Variants in CTNND2 observed in about 807,000 individuals in gnomAD.
CTNND2 encodes the protein catenin delta 2, also known as catenin delta-2.
Under a neutral mutation model 144.4 loss-of-function variants are expected in CTNND2, and 22 were observed. The observed-to-expected ratio is 0.15, with a 90% CI of 0.11 to 0.22. The LOEUF is 0.22. Ranked by LOEUF, CTNND2 falls within the 10% of genes least tolerant of loss-of-function variation. The probability of loss-of-function intolerance (pLI) is 1.00; values close to 1 mark genes in which losing one functional copy is unlikely to be tolerated. For synonymous variants in CTNND2, 751 were observed against 695.6 expected (o/e 1.08, Z -1.25); for missense variants, 1,353 against 1,618.8 (o/e 0.84, Z 2.82).
intron 2 of CTNND2, among the ~76,000 whole-genome samples, chr5:11,609,882 C>G (rs1780232039): frequency 6.6e-6 from 1 of 152,176 alleles, no homozygotes; most frequent in South Asian, 2.1e-4. Flanking sequence ...TAGTCAGGCT[C>G]TACTAACCTT....
At chr5:11,311,992 A>C (rs1750966387) in intron 9 of CTNND2, among the ~76,000 whole-genome samples, 1 of 130,742 alleles carries the variant, frequency 7.6e-6, no homozygotes, top group South Asian at 2.6e-4. Context: ...CTACCCATAT[A>C]TGCACCCCAC....
chr5:11,037,295 G>T (rs1580110552), intron 16 of CTNND2, among the ~76,000 whole-genome samples: 1 of 152,130 alleles, frequency 6.6e-6, no homozygotes, highest in African/African-American at 2.4e-5. Flanking sequence ...CCAACAGGTG[G>T]TTTCTGATTT....
intron 6 of CTNND2, among the ~76,000 whole-genome samples, chr5:11,390,117 T>C (rs968373855): frequency 6.6e-6 from 1 of 152,222 alleles, no homozygotes; most frequent in Admixed American, 6.5e-5. Flanking sequence ...AGGAGTTTGT[T>C]TTTGAAGAGC....
intron 12 of CTNND2, among the ~76,000 whole-genome samples, chr5:11,137,336 T>C (rs1386162554): frequency 6.6e-6 from 1 of 152,194 alleles, no homozygotes; most frequent in Non-Finnish European, 1.5e-5. Context: ...GGAAATTTGA[T>C]TTTTTTCATG....
chr5:11,058,243 G>C (rs569069361), intron 16 of CTNND2, among the ~76,000 whole-genome samples: 1 of 152,346 alleles, frequency 6.6e-6, no homozygotes, highest in Admixed American at 6.5e-5. Flanking sequence ...CTTCACAGCA[G>C]CACCTCCCAC....
At chr5:11,860,503 A>T (rs1013633285) in intron 1 of CTNND2, among the ~76,000 whole-genome samples, 2 of 152,246 alleles carry the variant, frequency 1.3e-5, no homozygotes, top group East Asian at 3.8e-4. Flanking sequence ...GATTTCAGGT[A>T]ATTATAGCTA....
intron 9 of CTNND2, among the ~76,000 whole-genome samples, chr5:11,239,239 C>T (rs1323484055): frequency 6.6e-6 from 1 of 152,276 alleles, no homozygotes. Flanking sequence ...CCCTAGGGAA[C>T]AGGTTTAGGG....
chr5:11,405,316 A>C (rs189117474), intron 5 of CTNND2, among the ~76,000 whole-genome samples: 3 of 152,234 alleles, frequency 2.0e-5, no homozygotes, highest in Non-Finnish European at 2.9e-5. Context: ...GCCTTTGCCT[A>C]TTCCTTAAAT....
At chr5:11,866,695 T>C (rs537092909) in intron 1 of CTNND2, among the ~76,000 whole-genome samples, 1 of 152,350 alleles carries the variant, frequency 6.6e-6, no homozygotes, top group South Asian at 2.1e-4. Context: ...ACAGAAAAGC[T>C]TTTGCCACAA....
At chr5:11,070,054 G>A (rs544265615) in intron 16 of CTNND2, among the ~76,000 whole-genome samples, 36 of 152,088 alleles carry the variant, frequency 2.4e-4, no homozygotes, top group South Asian at 8.3e-4. Context: ...TAAAACGTCC[G>A]GCATACAATA....
intron 1 of CTNND2, among the ~76,000 whole-genome samples, chr5:11,791,447 T>C (rs1281907594): frequency 6.6e-6 from 1 of 152,092 alleles, no homozygotes; most frequent in African/African-American, 2.4e-5. Flanking sequence ...GCACACCAGC[T>C]AGAACAAATG....
intron 2 of CTNND2, among the ~76,000 whole-genome samples, chr5:11,730,368 C>T (rs1787315572): frequency 6.6e-6 from 1 of 152,098 alleles, no homozygotes. Context: ...TTCCAGATGT[C>T]GAGTCAGTTA....
rs577063784 is a variant in CTNND2 at position 11,838,313 on chromosome 5, T to G, written c.37+65504A>C. Among the ~76,000 whole-genome samples the G allele has an allele frequency of 1.6e-4, 24 of 152,314 alleles. No homozygotes were observed. In the East Asian group the frequency reaches 2.7e-3, roughly 17 times the overall value. On this transcript the variant is annotated intron_variant, in intron 1 of 21. Coordinates refer to ENST00000304623, the MANE Select transcript of CTNND2 (RefSeq NM_001332.4). ...CCCAGCTCTGCGTTTTTAGATTACC[T>G]TAGCTGTCCTTTAAAAATTTCAAAC...
At chr5:11,031,629 A>G (rs1743486214) in intron 16 of CTNND2, among the ~76,000 whole-genome samples, 1 of 152,000 alleles carries the variant, frequency 6.6e-6, no homozygotes, top group South Asian at 2.1e-4. Flanking sequence ...GCCAGGGGAG[A>G]TTAACATTTG....
intron 2 of CTNND2, among the ~76,000 whole-genome samples, chr5:11,636,893 A>G (rs997498077): frequency 2.0e-5 from 3 of 152,178 alleles, no homozygotes; most frequent in Non-Finnish European, 4.4e-5. Flanking sequence ...AATCCCACAC[A>G]TGGGCTTTTA....
intron 3 of CTNND2, among the ~76,000 whole-genome samples, chr5:11,481,440 GTC>G (rs765488324): frequency 5.9e-5 from 9 of 152,042 alleles, no homozygotes; most frequent in Non-Finnish European, 1.3e-4. Flanking sequence ...GGCGAAATCT[GTC>G]TCTACAAAAA....
intron 16 of CTNND2, among the ~76,000 whole-genome samples, chr5:11,040,064 A>C (rs1164303088): frequency 6.6e-6 from 1 of 151,986 alleles, no homozygotes; most frequent in Non-Finnish European, 1.5e-5. Flanking sequence ...TCTGTCTCAA[A>C]AAAGCAAACA....
intron 2 of CTNND2, among the ~76,000 whole-genome samples, chr5:11,670,533 G>C (rs1783826298): frequency 6.6e-6 from 1 of 152,104 alleles, no homozygotes; most frequent in Non-Finnish European, 1.5e-5. Flanking sequence ...TGATCTTTGT[G>C]GTTTAAAGTC....
At chr5:11,405,695 T>C (rs1341667916) in intron 5 of CTNND2, among the ~76,000 whole-genome samples, 2 of 152,194 alleles carry the variant, frequency 1.3e-5, no homozygotes, top group Non-Finnish European at 2.9e-5. Flanking sequence ...GGGCCACCTA[T>C]GTGTTTTCCC....
Sources: gnomAD v4.1 joint callset for allele counts (sites outside exome capture counted in the v4.1 genomes callset) on GRCh38, gnomAD v4.1.1 for gene constraint, MANE v1.5 for transcripts, NCBI Gene and HGNC (gene_info 2026-07-23, HGNC 2026-07-21) for gene names.